STXBP5L: variants seen among roughly 807,000 people sequenced by gnomAD.
The protein encoded by STXBP5L is syntaxin-binding protein 5-like.
Under a neutral mutation model 144.5 loss-of-function variants are expected in STXBP5L, and 65 were observed. The ratio of observed to expected loss-of-function variants is 0.45; its 90% CI spans 0.37 to 0.55. The LOEUF (loss-of-function observed/expected upper bound fraction) is 0.55, where lower values mean the gene tolerates loss of function less well. Among genes scored for constraint, STXBP5L ranks in the 20% least tolerant of loss-of-function variants. The probability of loss-of-function intolerance (pLI) is 0.00; values close to 1 mark genes in which losing one functional copy is unlikely to be tolerated. For missense variants in STXBP5L, 1,298 were observed against 1,405.5 expected (o/e 0.92, Z 1.22); for synonymous variants, 505 against 469.6 (o/e 1.08, Z -0.97).
Position 121,419,165 on chromosome 3 carries a change from C to A in STXBP5L, c.*68C>A. 1.4e-6 allele frequency: 2 copies of A among 1,460,758 alleles called. No individual in the cohort carries two copies. The highest frequency in any genetic ancestry group is 9.4e-7 in the Non-Finnish European group (1 of 1,063,148). The allele number at this position is 1,460,758 out of a possible 1,614,324, so 90.5% of individuals were successfully genotyped here. A position where few individuals can be genotyped will look rare whatever the true frequency, so the allele number is the denominator to read the frequency against. On this transcript the variant is annotated 3_prime_UTR_variant, in exon 27 of 27. Transcript: ENST00000471454. Reference sequence around the variant, plus strand: ...GAAACCAAATTTATTCCCAGCATCACTACTCAACTGCTAGAAGCCAGTTTC... The same window carrying A: ...GAAACCAAATTTATTCCCAGCATCAATACTCAACTGCTAGAAGCCAGTTTC...
intron 7 of STXBP5L, among the ~76,000 whole-genome samples, chr3:121,128,591 A>G (rs1476400230): frequency 6.6e-6 from 1 of 152,096 alleles, no homozygotes; most frequent in Non-Finnish European, 1.5e-5. Flanking sequence ...CATGGATTGT[A>G]GAGGCCAGGT....
chr3:121,203,669 A>T (rs1430962672), intron 9 of STXBP5L, among the ~76,000 whole-genome samples: 1 of 152,188 alleles, frequency 6.6e-6, no homozygotes, highest in African/African-American at 2.4e-5. Flanking sequence ...GAAAATGTTA[A>T]CTTAACAAGT....
At chr3:121,312,428 G>A (rs1471166540) in intron 19 of STXBP5L, among the ~76,000 whole-genome samples, 1 of 20,776 alleles carries the variant, frequency 4.8e-5, no homozygotes, top group African/African-American at 1.8e-4. Flanking sequence ...TTTTGTTTTT[G>A]ACTTAAGGTA....
At chr3:121,034,839 A>G (rs970260843) in intron 3 of STXBP5L, among the ~76,000 whole-genome samples, 2 of 152,156 alleles carry the variant, frequency 1.3e-5, no homozygotes, top group African/African-American at 2.4e-5. Context: ...TTTTCCCACC[A>G]ACAATGTGTA....
intron 20 of STXBP5L, among the ~76,000 whole-genome samples, chr3:121,372,078 G>A (rs552542604): frequency 6.6e-6 from 1 of 152,172 alleles, no homozygotes; most frequent in African/African-American, 2.4e-5. Flanking sequence ...GGCTGCTGTT[G>A]GGGGAGGACT....
At chr3:121,018,188 G>A (rs1945279011) in intron 3 of STXBP5L, among the ~76,000 whole-genome samples, 1 of 152,104 alleles carries the variant, frequency 6.6e-6, no homozygotes, top group South Asian at 2.1e-4. Flanking sequence ...ATTCAATTTA[G>A]TCCCAGCAAG....
intron 6 of STXBP5L, among the ~76,000 whole-genome samples, chr3:121,118,598 G>T (rs188223498): frequency 6.6e-6 from 1 of 151,732 alleles, no homozygotes; most frequent in East Asian, 1.9e-4. Flanking sequence ...GATTTTGACG[G>T]TTGCAAGCAG....
intron 19 of STXBP5L, among the ~76,000 whole-genome samples, chr3:121,297,489 C>T (rs2051702395): frequency 6.6e-6 from 1 of 152,108 alleles, no homozygotes; most frequent in African/African-American, 2.4e-5. Flanking sequence ...CATGGTGGCT[C>T]ACGCCTATAA....
chr3:120,912,510 C>T (rs933906427), intron 2 of STXBP5L, among the ~76,000 whole-genome samples: 2 of 151,262 alleles, frequency 1.3e-5, no homozygotes, highest in Non-Finnish European at 1.5e-5. Flanking sequence ...GTAGGATGTT[C>T]GCTAGCCTTA....
chr3:121,081,765 C>T (rs1223227053), intron 5 of STXBP5L, among the ~76,000 whole-genome samples: 1 of 152,038 alleles, frequency 6.6e-6, no homozygotes, highest in Non-Finnish European at 1.5e-5. Context: ...GGGCAGAGGC[C>T]CAGTATTTAT....
At chr3:121,297,731 G>A (rs574691249) in intron 19 of STXBP5L, among the ~76,000 whole-genome samples, 59 of 152,184 alleles carry the variant, frequency 3.9e-4, no homozygotes, top group Non-Finnish European at 6.6e-4. Flanking sequence ...TACAGCCTGC[G>A]CGACAGAGTG....
rs571751545 is a variant in STXBP5L at position 121,090,182 on chromosome 3, A to G, written c.471-24743A>G. On this transcript the variant is annotated intron_variant, in intron 5 of 26. Transcript: ENST00000471454. ...GTTATGAGGTTTCAGTTTTTATTTA[A>G]ACCCCTTTTTTAGGTGGTTGTATTT... Among the ~76,000 whole-genome samples, 11 of 152,132 alleles carry G rather than the reference A, an allele frequency of 7.2e-5. No individual in the cohort carries two copies. The East Asian group carries it at 2.1e-3, about 29-fold the overall frequency.
chr3:121,210,668 C>T (rs571520204), intron 10 of STXBP5L, among the ~76,000 whole-genome samples: 2 of 152,190 alleles, frequency 1.3e-5, no homozygotes, highest in Non-Finnish European at 2.9e-5. Flanking sequence ...GTTTTCCCAG[C>T]ACCATTTATT....
chr3:121,125,135 C>G (rs986980747), intron 7 of STXBP5L, among the ~76,000 whole-genome samples: 1 of 152,034 alleles, frequency 6.6e-6, no homozygotes, highest in Non-Finnish European at 1.5e-5. Flanking sequence ...TGGTGAAGTG[C>G]AAGAAGGAAC....
chr3:120,944,075 A>G (rs184676350), intron 2 of STXBP5L, among the ~76,000 whole-genome samples: 43 of 151,776 alleles, frequency 2.8e-4, no homozygotes, highest in African/African-American at 1.0e-3. Context: ...GCAAAGTAAA[A>G]GAGTAGTAGT....
At chr3:120,936,631 A>G (rs114363489) in intron 2 of STXBP5L, among the ~76,000 whole-genome samples, 6,013 of 150,066 alleles carry the variant, frequency 0.04, 167 homozygotes, top group Middle Eastern at 0.082. Flanking sequence ...TTTTTTTTTG[A>G]CAGAGTCTCG....
intron 22 of STXBP5L, among the ~76,000 whole-genome samples, chr3:121,388,629 T>A (rs1192023287): frequency 2.0e-5 from 3 of 152,210 alleles, no homozygotes. Flanking sequence ...TTGAAGGCCT[T>A]TTCTGCATCT....
At chr3:121,018,833 A>C (rs566720837) in intron 3 of STXBP5L, among the ~76,000 whole-genome samples, 18 of 152,206 alleles carry the variant, frequency 1.2e-4, no homozygotes, top group African/African-American at 4.1e-4. Flanking sequence ...TACTTCATGA[A>C]TTACTGCAGG....
intron 10 of STXBP5L, among the ~76,000 whole-genome samples, chr3:121,218,638 C>A (rs1395602988): frequency 6.6e-6 from 1 of 151,836 alleles, no homozygotes; most frequent in Non-Finnish European, 1.5e-5. Context: ...CAGGAAAATT[C>A]TTTGGCAAGG....
Sources: allele counts gnomAD v4.1 joint callset (sites outside exome capture counted in the v4.1 genomes callset), GRCh38; gene constraint gnomAD v4.1.1; transcripts MANE v1.5; gene names NCBI Gene and HGNC (gene_info 2026-07-23, HGNC 2026-07-21).